Variants in FGL1 observed in about 807,000 individuals in gnomAD.
The protein encoded by FGL1 is fibrinogen like 1.
A neutral mutation model predicts 43.7 loss-of-function variants in FGL1; 59 were observed. The observed-to-expected ratio is 1.35, with a 90% CI of 1.10 to 1.68. FGL1 has a LOEUF of 1.68. Ranked by LOEUF, FGL1 falls within the 40% of genes most tolerant of loss-of-function variation. The pLI is 0.00. For missense variants in FGL1, 596 were observed against 373.0 expected, an observed-to-expected ratio of 1.60 and a Z score of -4.92; for synonymous variants, 192 against 126.5, an observed-to-expected ratio of 1.52 and a Z score of -3.48.
chr8:17,889,807 GA>G (rs2053680005), intron 1 of FGL1, among the ~76,000 whole-genome samples: 2 of 152,122 alleles, frequency 1.3e-5, no homozygotes, highest in Non-Finnish European at 2.9e-5. Flanking sequence ...TTCTGACTTA[GA>G]AAAATGGCAA....
At chr8:17,892,691 T>C (rs10094922) in intron 1 of FGL1, among the ~76,000 whole-genome samples, 67,649 of 152,078 alleles carry the variant, frequency 0.44, 17,820 homozygotes, top group Non-Finnish European at 0.61. Context: ...AAAAATAATG[T>C]CCTCTTTTTT....
At chr8:17,867,387 G>A (rs765985297) in intron 7 of FGL1, among the ~76,000 whole-genome samples, 18 of 152,042 alleles carry the variant, frequency 1.2e-4, no homozygotes, top group Non-Finnish European at 2.1e-4. Flanking sequence ...ATTTCAGAAC[G>A]CTAGGGGGAA....
chr8:17,865,092 A>G (rs2131686635), intron 7 of FGL1, among the ~76,000 whole-genome samples: 1 of 152,146 alleles, frequency 6.6e-6, no homozygotes, highest in African/African-American at 2.4e-5. Flanking sequence ...GGCCTCAGAG[A>G]TGGGTATTTT....
chr8:17,869,942 T>C (rs1211265277), intron 5 of FGL1, among the ~76,000 whole-genome samples: 1 of 152,030 alleles, frequency 6.6e-6, no homozygotes, highest in Non-Finnish European at 1.5e-5. Flanking sequence ...ACCCCGTCTC[T>C]ACTAAAAAAT....
At chr8:17,884,996 A>G (rs930113776) in intron 2 of FGL1, among the ~76,000 whole-genome samples, 1 of 152,130 alleles carries the variant, frequency 6.6e-6, no homozygotes, top group Non-Finnish European at 1.5e-5. Context: ...GAATTTTTAA[A>G]AATTACTTAT....
intron 3 of FGL1, among the ~76,000 whole-genome samples, chr8:17,881,500 A>G (rs539872036): frequency 6.6e-6 from 1 of 151,684 alleles, no homozygotes; most frequent in African/African-American, 2.4e-5. Flanking sequence ...ATTCTCAGAT[A>G]TTTAGCATTC....
intron 1 of FGL1, among the ~76,000 whole-genome samples, chr8:17,886,781 AGAGAGGAGAG>A (rs61063668): frequency 0.51 from 77,004 of 150,132 alleles, 22,607 homozygotes; most frequent in Non-Finnish European, 0.67. Context: ...TGAGAGGAGA[AGAGAGGAGAG>A]GAGAGGAGAG....
chr8:17,883,695 A>G (rs1002366494), intron 2 of FGL1, among the ~76,000 whole-genome samples: 1 of 145,020 alleles, frequency 6.9e-6, no homozygotes, highest in Non-Finnish European at 1.5e-5. Flanking sequence ...TATATTTTTT[A>G]TATATATATA....
At chr8:17,872,425 C>G (rs986050648) in intron 5 of FGL1, among the ~76,000 whole-genome samples, 2 of 151,066 alleles carry the variant, frequency 1.3e-5, no homozygotes, top group African/African-American at 4.9e-5. Context: ...GCCTCAGCCT[C>G]CCAAGTGGCT....
At chr8:17,885,208 T>G (rs1396175396) in intron 2 of FGL1, among the ~76,000 whole-genome samples, 1 of 151,570 alleles carries the variant, frequency 6.6e-6, no homozygotes, top group Non-Finnish European at 1.5e-5. Context: ...GCCCGGCTAA[T>G]TTTTTGTATT....
chr8:17,869,701 C>T (rs2053327601), intron 5 of FGL1, among the ~76,000 whole-genome samples: 1 of 152,148 alleles, frequency 6.6e-6, no homozygotes, highest in African/African-American at 2.4e-5. Flanking sequence ...AATGCTGTAC[C>T]ACCAACATTC....
rs1410777908 is a variant in FGL1, at chr8:17,869,118, G to A, written c.503-114C>T. The A allele has an allele frequency of 2.3e-5, 14 of 609,890 alleles. No individual in the cohort carries two copies. The South Asian group carries it at 3.1e-4, about 14-fold the overall frequency. The allele number at this position is 609,890 out of a possible 1,614,324, so 37.8% of individuals were successfully genotyped here. On this transcript the variant is annotated intron_variant, in intron 5 of 7. Coordinates refer to ENST00000427924, the MANE Select transcript of FGL1 (RefSeq NM_004467.4). ...TAATTTTACCATTTCCCTTGGCCAA[G>A]AATCAGTTTTCAAAGATTAAACAGT...
At chr8:17,875,054 C>A (rs1454855511) in intron 3 of FGL1, among the ~76,000 whole-genome samples, 1 of 152,168 alleles carries the variant, frequency 6.6e-6, no homozygotes, top group Non-Finnish European at 1.5e-5. Context: ...ATTTATCTCA[C>A]CCATGAAGCT....
intron 5 of FGL1, among the ~76,000 whole-genome samples, chr8:17,872,214 C>G (rs925997889): frequency 6.6e-6 from 1 of 151,958 alleles, no homozygotes. Context: ...AACTTTATAA[C>G]CATAAGCCTA....
At chr8:17,888,301 G>A (rs1025388188) in intron 1 of FGL1, among the ~76,000 whole-genome samples, 1 of 152,134 alleles carries the variant, frequency 6.6e-6, no homozygotes, top group African/African-American at 2.4e-5. Flanking sequence ...GATTAGGTTT[G>A]CTATCAATTA....
intron 1 of FGL1, among the ~76,000 whole-genome samples, chr8:17,886,563 G>C (rs2053631070): frequency 6.6e-6 from 1 of 152,096 alleles, no homozygotes; most frequent in Non-Finnish European, 1.5e-5. Flanking sequence ...CTCGAGACCA[G>C]CCTGGTCAAC....
intron 3 of FGL1, among the ~76,000 whole-genome samples, chr8:17,874,975 G>T (rs2053423141): frequency 6.6e-6 from 1 of 151,906 alleles, no homozygotes; most frequent in African/African-American, 2.4e-5. Context: ...AAAAAAACAA[G>T]TTATGAGTAG....
At position 17,868,953 on chromosome 8, in the gene FGL1, T is replaced by G; in HGVS notation, c.554A>C (p.Tyr185Ser). The change falls in exon 6 of 8, where the codon TAT (tyrosine) becomes TCT (serine). Residue 185 changes from tyrosine (Y) to serine (S), a missense_variant. Transcript: ENST00000427924. The stretch of plus-strand genomic sequence containing the variant: ...AACTTTGAAATTCTTATATTGTGCA[T>G]AACGGCTATTTTTTTCAAAATCTGC... ...DLADFEKNSRYAQYKNFKVGD... is the reference protein window; with the variant it reads ...DLADFEKNSRSAQYKNFKVGD... 1 of 1,607,210 alleles carries G rather than the reference T, an allele frequency of 6.2e-7. No homozygotes were observed. The highest frequency in any genetic ancestry group is 1.1e-5 in the South Asian group (1 of 88,790).
intron 7 of FGL1, among the ~76,000 whole-genome samples, chr8:17,868,103 C>T (rs766923899): frequency 9.2e-5 from 14 of 152,120 alleles, no homozygotes; most frequent in Non-Finnish European, 2.1e-4. Flanking sequence ...GGCTTAGACT[C>T]AATGAATTAA....
Sources: gnomAD v4.1 joint callset for allele counts (sites outside exome capture counted in the v4.1 genomes callset) on GRCh38, gnomAD v4.1.1 for gene constraint, MANE v1.5 for transcripts, NCBI Gene and HGNC (gene_info 2026-07-23, HGNC 2026-07-21) for gene names.